The following KLHDC1 variants were observed in gnomAD, a reference collection of about 807,000 sequenced individuals.
KLHDC1 encodes kelch domain containing 1.
In KLHDC1, 53 loss-of-function variants were observed where a neutral mutation model predicts 68.3. That is an observed-to-expected ratio of 0.78 (90% CI 0.62 to 0.98). KLHDC1 has a LOEUF of 0.98. Among genes scored for constraint, KLHDC1 ranks in the 50% least tolerant of loss-of-function variants. KLHDC1 has a pLI of 0.00. For synonymous variants in KLHDC1, 148 were observed against 159.0 expected (o/e 0.93, Z 0.52); for missense variants, 470 against 492.3 (o/e 0.95, Z 0.43).
chr14:49,719,588 T>C (rs1341590703), intron 4 of KLHDC1, among the ~76,000 whole-genome samples: 1 of 151,126 alleles, frequency 6.6e-6, no homozygotes, highest in Non-Finnish European at 1.5e-5. Context: ...ACTACCATGC[T>C]CGGCTAATTT....
chr14:49,714,576 T>TGG (rs897999977), intron 4 of KLHDC1, among the ~76,000 whole-genome samples: 6 of 151,394 alleles, frequency 4.0e-5, no homozygotes, highest in Non-Finnish European at 8.8e-5. Context: ...GGGTTTGAGA[T>TGG]CAGCCTGGGC....
chr14:49,717,394 G>T (rs1252831697), intron 4 of KLHDC1, among the ~76,000 whole-genome samples: 6 of 152,230 alleles, frequency 3.9e-5, no homozygotes, highest in South Asian at 2.1e-4. Flanking sequence ...GTGTGTGTGT[G>T]TTTTTAATAA....
intron 1 of KLHDC1, among the ~76,000 whole-genome samples, chr14:49,703,781 A>T (rs1221562846): frequency 6.6e-6 from 1 of 152,232 alleles, no homozygotes; most frequent in African/African-American, 2.4e-5. Flanking sequence ...TTTGAAAATC[A>T]TCATCTCTAG....
intron 4 of KLHDC1, among the ~76,000 whole-genome samples, chr14:49,715,797 A>G (rs1450084279): frequency 6.8e-6 from 1 of 146,818 alleles, no homozygotes; most frequent in Non-Finnish European, 1.5e-5. Context: ...AAGATAAAAC[A>G]TAGCCTTACC....
intron 11 of KLHDC1, among the ~76,000 whole-genome samples, chr14:49,740,619 G>A (rs1010606239): frequency 2.0e-5 from 3 of 151,940 alleles, no homozygotes; most frequent in African/African-American, 4.8e-5. Flanking sequence ...GATTACAGGC[G>A]TGAGCCACCG....
Position 49,712,919 on chromosome 14 carries a change from C to T in KLHDC1, c.404+2538C>T, listed in dbSNP as rs1434635876. On this transcript the variant is annotated intron_variant, in intron 4 of 12. Transcript: ENST00000359332. ...CCTCCGAAAGTGCTGGGATTACAGG[C>T]GTGAGCCACCATGCCCGGCCCATAG... is the stretch of plus-strand genomic sequence containing the variant. Among the ~76,000 whole-genome samples the T allele has an allele frequency of 4.0e-5, 6 of 151,202 alleles. No individual in the cohort carries two copies. In the East Asian group the frequency reaches 5.8e-4, roughly 15 times the overall value.
Position 49,751,384 on chromosome 14 carries a change from T to C in KLHDC1, c.1035-202T>C, listed in dbSNP as rs111630622. Among the ~76,000 whole-genome samples, 450 of 152,296 alleles carry C rather than the reference T, an allele frequency of 3.0e-3. 3 individuals are homozygous for C. The highest frequency in any genetic ancestry group is 0.01 in the African/African-American group (436 of 41,576). On this transcript the variant is annotated intron_variant, in intron 12 of 12. Transcript: ENST00000359332. ...CCCATTTTCTATGACATGATTATTA[T>C]GCATTGCCTGTCTGTATCAAAACAT...
At position 49,693,173 on chromosome 14, in the gene KLHDC1, C is replaced by A. The variant is rs373238359; in HGVS notation, c.-22C>A. 2.5e-6 allele frequency: 4 copies of A among 1,569,744 alleles called. No homozygotes were observed. The highest frequency in any genetic ancestry group is 3.5e-6 in the Non-Finnish European group (4 of 1,159,368). ...CGGGCAGGGGTTGTGGCGCGGCAAG[C>A]GGCGGGCCAGCGACGGCGCGAATGG... On this transcript the variant is annotated 5_prime_UTR_variant, in exon 1 of 13. Coordinates refer to ENST00000359332, the MANE Select transcript of KLHDC1 (RefSeq NM_172193.3).
At chr14:49,708,983 C>G (rs1888130372) in intron 1 of KLHDC1, among the ~76,000 whole-genome samples, 176 bp from the exon 2 acceptor site, 1 of 151,952 alleles carries the variant, frequency 6.6e-6, no homozygotes, top group Non-Finnish European at 1.5e-5. Context: ...CCCACTTTCT[C>G]TTAGAAAATC....
chr14:49,722,144 A>G (rs1888542868), intron 4 of KLHDC1, among the ~76,000 whole-genome samples: 1 of 152,148 alleles, frequency 6.6e-6, no homozygotes, highest in Admixed American at 6.5e-5. Context: ...TGTTATTATT[A>G]TACTTTAAGT....
At chr14:49,745,924 T>C (rs1889188524) in intron 12 of KLHDC1, among the ~76,000 whole-genome samples, 1 of 152,130 alleles carries the variant, frequency 6.6e-6, no homozygotes, top group African/African-American at 2.4e-5. Context: ...AGTTAGACAA[T>C]TCCTCTGGCA....
intron 4 of KLHDC1, among the ~76,000 whole-genome samples, chr14:49,718,038 C>T (rs1888424519): frequency 6.6e-6 from 1 of 151,918 alleles, no homozygotes; most frequent in Non-Finnish European, 1.5e-5. Flanking sequence ...AGGCACGTGC[C>T]ACCATCCCTG....
At position 49,696,398 on chromosome 14, in the gene KLHDC1, G is replaced by A. The variant is rs549809308; in HGVS notation, c.96+3108G>A. ...GTATTTTCACCATATTGGCCAGGCCGATCTCGAACTGACCTCAGAAGATCT... is the reference window on the plus strand; with the variant it reads ...GTATTTTCACCATATTGGCCAGGCCAATCTCGAACTGACCTCAGAAGATCT... On this transcript the variant is annotated intron_variant, in intron 1 of 12. Coordinates refer to ENST00000359332, the MANE Select transcript of KLHDC1 (RefSeq NM_172193.3). 7.9e-5 allele frequency among the ~76,000 whole-genome samples: 12 copies of A among 152,208 alleles called. No homozygotes were observed. The South Asian group carries it at 2.3e-3, about 29-fold the overall frequency.
At chr14:49,712,502 CTTTTTTT>C in intron 4 of KLHDC1, among the ~76,000 whole-genome samples, 1 of 133,674 alleles carries the variant, frequency 7.5e-6, no homozygotes, top group East Asian at 2.1e-4. Flanking sequence ...CATAGATTTT[CTTTTTTT>C]TTTTTTTTTT....
At chr14:49,736,860 T>G (rs1429025871) in intron 10 of KLHDC1, among the ~76,000 whole-genome samples, 1 of 152,220 alleles carries the variant, frequency 6.6e-6, no homozygotes, top group Non-Finnish European at 1.5e-5. Context: ...AAATGCCTCT[T>G]TAGGGGACAA....
intron 2 of KLHDC1, 30 bp from the exon 3 acceptor site, chr14:49,709,678 GT>G: frequency 1.5e-6 from 2 of 1,302,220 alleles, no homozygotes; most frequent in Admixed American, 2.3e-5. Context: ...TTTCTGGAAA[GT>G]TATGGGATTC....
In KLHDC1 at chr14:49,721,462, G is replaced by A. The variant is rs112112948; in HGVS notation, c.405-2412G>A. On this transcript the variant is annotated intron_variant, in intron 4 of 12. Transcript: ENST00000359332. ...CCTCCCTGTAGTTTTTAAATTATAT[G>A]CCAGATCTTCTGTCTGAAAGAACAG... Among the ~76,000 whole-genome samples, 115 of 152,068 alleles carry A rather than the reference G, an allele frequency of 7.6e-4. 2 individuals are homozygous for A. Among genetic ancestry groups the A allele is most frequent in the African/African-American group, 2.6e-3 (108 of 41,480 alleles).
chr14:49,727,083 A>G (rs1888689311), intron 6 of KLHDC1, among the ~76,000 whole-genome samples: 1 of 152,150 alleles, frequency 6.6e-6, no homozygotes, highest in South Asian at 2.1e-4. Flanking sequence ...TGTCTCTACT[A>G]AAAATACAAA....
intron 1 of KLHDC1, 112 bp from the exon 2 acceptor site, chr14:49,709,047 C>T: frequency 3.7e-6 from 2 of 544,610 alleles, no homozygotes; most frequent in Non-Finnish European, 3.2e-6. Flanking sequence ...GATCCTTGAG[C>T]CTTCTTTTGT....
Sources: allele counts gnomAD v4.1 joint callset (sites outside exome capture counted in the v4.1 genomes callset), GRCh38; gene constraint gnomAD v4.1.1; transcripts MANE v1.5; gene names NCBI Gene and HGNC (gene_info 2026-07-23, HGNC 2026-07-21).